The following DBF4B variants were observed in gnomAD, a reference collection of about 807,000 sequenced individuals.
The protein encoded by DBF4B is protein DBF4 homolog B.
DBF4B carries 49 observed loss-of-function variants against 53.4 expected under a neutral mutation model. The observed-to-expected ratio is 0.92, with a 90% CI of 0.73 to 1.16. The LOEUF is 1.16. DBF4B is among the 50% of genes most tolerant of loss of function. The pLI, the probability that DBF4B is intolerant of heterozygous loss-of-function variation, is 0.00. For synonymous variants in DBF4B, 257 were observed against 288.7 expected, an observed-to-expected ratio of 0.89 and a Z score of 1.11; for missense variants, 692 against 775.0, an observed-to-expected ratio of 0.89 and a Z score of 1.27.
intron 10 of DBF4B, among the ~76,000 whole-genome samples, chr17:44,746,349 C>G (rs1976596798): frequency 6.6e-6 from 1 of 152,008 alleles, no homozygotes. Flanking sequence ...CTGAACCAAG[C>G]TGGGGAGACA....
rs759795936 is a variant in DBF4B at position 44,722,946 on chromosome 17, G to T, written c.149G>T (p.Gly50Val). Residue 50 changes from glycine to valine, a missense_variant, in exon 3 of 14, where the codon GGA becomes GTA. Around this residue, in one of 3 missense-constraint regions of DBF4B, gnomAD observed 29 missense variants for 57.8 expected, o/e 0.50. Coordinates refer to ENST00000315005, the MANE Select transcript of DBF4B (RefSeq NM_145663.3). ...GGTGCCAGGAAGCATCCCTTTTCCG[G>T]AAAGTCCTTTTACTTGGATCTGCCT... is the stretch of plus-strand genomic sequence containing the variant. Reference protein sequence around the residue: ...SPGARKHPFSGKSFYLDLPAG... With the variant: ...SPGARKHPFSVKSFYLDLPAG... The T allele has an allele frequency of 6.2e-7, 1 of 1,614,156 alleles. No individual in the cohort carries two copies. Among genetic ancestry groups the T allele is most frequent in the Non-Finnish European group, 8.5e-7 (1 of 1,180,028 alleles).
intron 2 of DBF4B, among the ~76,000 whole-genome samples, chr17:44,712,226 C>T (rs1972946060): frequency 6.6e-6 from 1 of 150,820 alleles, no homozygotes; most frequent in Non-Finnish European, 1.5e-5. Context: ...ACTATTTCTT[C>T]TAGAAGCTAC....
intron 10 of DBF4B, among the ~76,000 whole-genome samples, chr17:44,746,053 C>CAAAAA (rs61654485): frequency 2.8e-4 from 31 of 110,626 alleles, no homozygotes; most frequent in Middle Eastern, 4.6e-3. Flanking sequence ...ACTAAAAATA[C>CAAAAA]AAAAAAAAAA....
chr17:44,752,203 G>A lies in DBF4B; in HGVS notation c.*950G>A, dbSNP rs560074658. 1.1e-4 allele frequency: 64 copies of A among 557,814 alleles called. No homozygotes were observed. Among genetic ancestry groups the A allele is most frequent in the Middle Eastern group, 7.5e-4 (2 of 2,654 alleles). 34.6% of individuals were successfully genotyped at this position (557,814 alleles called of 1,614,324 possible). The stretch of plus-strand genomic sequence containing the variant: ...CGGGCCTCAGTTTCCTCGTCTTTAA[G>A]TAAGGGGCTTGGATGAGATGATTTC... On this transcript the variant is annotated 3_prime_UTR_variant, in exon 14 of 14. Transcript: ENST00000315005.
chr17:44,713,062 CAG>C (rs1368745941), intron 2 of DBF4B, among the ~76,000 whole-genome samples: 6 of 108,794 alleles, frequency 5.5e-5, no homozygotes, highest in Non-Finnish European at 8.6e-5. Context: ...TTTTTTGAGA[CAG>C]AGTCTTGCTC....
At chr17:44,747,749 G>T (rs1162557726) in intron 12 of DBF4B, among the ~76,000 whole-genome samples, 17 of 152,174 alleles carry the variant, frequency 1.1e-4, no homozygotes, top group Admixed American at 1.1e-3. Flanking sequence ...CTACACTGTG[G>T]CTCCCTTCCA....
At chr17:44,724,058 G>A (rs1974081511) in intron 3 of DBF4B, among the ~76,000 whole-genome samples, 1 of 152,118 alleles carries the variant, frequency 6.6e-6, no homozygotes, top group Non-Finnish European at 1.5e-5. Flanking sequence ...CTGAAGTCGA[G>A]GTCTTGCACC....
intron 2 of DBF4B, among the ~76,000 whole-genome samples, chr17:44,715,472 C>G (rs769460613): frequency 7.9e-5 from 12 of 152,282 alleles, no homozygotes; most frequent in South Asian, 2.1e-4. Flanking sequence ...GCTGGGATTA[C>G]AGGTGTGAGC....
intron 7 of DBF4B, among the ~76,000 whole-genome samples, chr17:44,735,663 G>A (rs1401614070): frequency 6.6e-6 from 1 of 152,022 alleles, no homozygotes. Context: ...GTGAGACTCT[G>A]TCTCAAAAAA....
At chr17:44,733,034 G>C (rs936462331) in intron 6 of DBF4B, among the ~76,000 whole-genome samples, 3 of 151,710 alleles carry the variant, frequency 2.0e-5, no homozygotes, top group Non-Finnish European at 4.4e-5. Context: ...GCGTGGTGGC[G>C]GGCGCCTGTA....
chr17:44,709,079 C>T, intron 1 of DBF4B: 1 of 790,424 alleles, frequency 1.3e-6, no homozygotes, highest in Non-Finnish European at 2.1e-6. Context: ...CAGGAGGTGG[C>T]CAAGAGGTCA....
intron 2 of DBF4B, among the ~76,000 whole-genome samples, chr17:44,722,147 A>G (rs1054108254): frequency 6.6e-6 from 1 of 151,940 alleles, no homozygotes; most frequent in Non-Finnish European, 1.5e-5. Context: ...AAGGGAAAAA[A>G]AAAAAAGGAA....
intron 10 of DBF4B, among the ~76,000 whole-genome samples, chr17:44,744,506 T>TG (rs1976414511): frequency 6.6e-6 from 1 of 152,232 alleles, no homozygotes; most frequent in Non-Finnish European, 1.5e-5. Flanking sequence ...TTAACCAGTC[T>TG]GTTATTCATG....
chr17:44,737,078 C>T (rs184160249), intron 8 of DBF4B, among the ~76,000 whole-genome samples: 1 of 152,306 alleles, frequency 6.6e-6, no homozygotes, highest in Admixed American at 6.5e-5. Flanking sequence ...TGGGCCGGGG[C>T]TTCTCCTTTA....
At chr17:44,741,033 G>A (rs1011939318) in intron 9 of DBF4B, among the ~76,000 whole-genome samples, 5 of 152,260 alleles carry the variant, frequency 3.3e-5, no homozygotes, top group African/African-American at 1.2e-4. Flanking sequence ...TACTCGGGAG[G>A]CTGAGGCAGG....
chr17:44,745,255 A>AT (rs1034464959), intron 10 of DBF4B, among the ~76,000 whole-genome samples: 6 of 152,116 alleles, frequency 3.9e-5, no homozygotes, highest in African/African-American at 1.4e-4. Flanking sequence ...CAATATATAT[A>AT]TTTTTTTCCT....
intron 7 of DBF4B, among the ~76,000 whole-genome samples, chr17:44,735,238 C>T (rs8079952): frequency 0.014 from 2,125 of 152,318 alleles, 47 homozygotes; most frequent in African/African-American, 0.048. Flanking sequence ...CAAAAATTCT[C>T]GCCCTGCTCC....
At chr17:44,729,345 G>A (rs953737605) in intron 3 of DBF4B, among the ~76,000 whole-genome samples, 4 of 150,894 alleles carry the variant, frequency 2.7e-5, no homozygotes, top group Non-Finnish European at 2.9e-5. Context: ...AGGACTATAG[G>A]TGCATGTAAC....
chr17:44,710,006 T>C (rs1005525057), intron 2 of DBF4B, among the ~76,000 whole-genome samples: 1 of 151,732 alleles, frequency 6.6e-6, no homozygotes, highest in African/African-American at 2.4e-5. Context: ...ACCCCATCTC[T>C]ACTAAAAATA....
Sources: gnomAD v4.1 joint callset for allele counts (sites outside exome capture counted in the v4.1 genomes callset) on GRCh38, gnomAD v4.1.1 for gene constraint, gnomAD v4.1.1 regional missense constraint, MANE v1.5 for transcripts, NCBI Gene and HGNC (gene_info 2026-07-23, HGNC 2026-07-21) for gene names.